The following TMEM117 variants were observed in gnomAD, a reference collection of about 807,000 sequenced individuals.
The protein encoded by TMEM117 is transmembrane protein 117.
In TMEM117, 27 loss-of-function variants were observed where a neutral mutation model predicts 52.4. The observed-to-expected ratio is 0.51, with a 90% CI of 0.38 to 0.71. The LOEUF is 0.71. TMEM117 is among the 30% of genes least tolerant of loss of function. The pLI, the probability that TMEM117 is intolerant of heterozygous loss-of-function variation, is 0.00. For missense variants in TMEM117, 556 were observed against 630.5 expected (o/e 0.88, Z 1.26); for synonymous variants, 215 against 206.3 (o/e 1.04, Z -0.36).
upstream of TMEM117, among the ~76,000 whole-genome samples, chr12:43,832,456 A>G (rs1483381143): frequency 1.3e-5 from 2 of 152,188 alleles, no homozygotes; most frequent in East Asian, 3.8e-4. Flanking sequence ...TCTCTCTGTG[A>G]ACAGATTTCA....
chr12:44,317,120 T>C (rs1951065824), intron 6 of TMEM117, among the ~76,000 whole-genome samples: 1 of 150,758 alleles, frequency 6.6e-6, no homozygotes, highest in Non-Finnish European at 1.5e-5. Flanking sequence ...CAGGGACCAT[T>C]GCTGGAGATC....
intron 3 of TMEM117, among the ~76,000 whole-genome samples, chr12:44,062,122 AAAG>A (rs1565812294): frequency 2.0e-5 from 3 of 152,220 alleles, no homozygotes; most frequent in African/African-American, 7.2e-5. Context: ...CCTAAGATTT[AAAG>A]AAGGCAAATG....
Position 44,166,125 on chromosome 12 carries a change from G to C in TMEM117, c.510+22501G>C, listed in dbSNP as rs147430134. On this transcript the variant is annotated intron_variant, in intron 4 of 7. Coordinates refer to ENST00000266534, the MANE Select transcript of TMEM117 (RefSeq NM_032256.3). Reference sequence around the variant, plus strand: ...AAAAGTGTGCTCCTGAATGACCATTGAGTTGAAGAAGAAATTAAGAAGGAA... The same window carrying C: ...AAAAGTGTGCTCCTGAATGACCATTCAGTTGAAGAAGAAATTAAGAAGGAA... Among the ~76,000 whole-genome samples, 26 of 152,254 alleles carry C rather than the reference G, an allele frequency of 1.7e-4. No individual in the cohort carries two copies. In the East Asian group the frequency reaches 4.6e-3, roughly 27 times the overall value.
intron 5 of TMEM117, among the ~76,000 whole-genome samples, chr12:44,255,857 G>C (rs1162502090): frequency 2.0e-5 from 3 of 151,884 alleles, no homozygotes; most frequent in African/African-American, 7.3e-5. Flanking sequence ...TTTTAACATG[G>C]AAAATATGTT....
At chr12:44,306,072 T>C (rs1950899564) in intron 6 of TMEM117, among the ~76,000 whole-genome samples, 1 of 152,012 alleles carries the variant, frequency 6.6e-6, no homozygotes, top group African/African-American at 2.4e-5. Flanking sequence ...GAGCTAAACA[T>C]TGAGTACAGG....
rs10880610 is a variant in TMEM117 at position 43,985,379 on chromosome 12, A to G, written c.410+41037A>G. On this transcript the variant is annotated intron_variant, in intron 3 of 7. Transcript: ENST00000266534. ...TAATATTTGAACCAAAAAAGGTGAT[A>G]TACTTTTAAAAAAATTTGGCCTATT... Among the ~76,000 whole-genome samples the G allele has an allele frequency of 0.018, 2,695 of 151,786 alleles. 148 individuals carry two copies. The East Asian group carries it at 0.19, about 11-fold the overall frequency.
chr12:43,806,160 T>A, the TMEM117 span: 8 of 1,534,426 alleles, frequency 5.2e-6, no homozygotes, highest in South Asian at 9.5e-5. Context: ...CCTGCAGCCC[T>A]CCCGGCTCTC....
At chr12:44,208,725 G>GTTTTTTT (rs5797892) in intron 4 of TMEM117, among the ~76,000 whole-genome samples, 19 of 68,840 alleles carry the variant, frequency 2.8e-4, no homozygotes, top group African/African-American at 3.6e-4. Context: ...CAGAAAGAAT[G>GTTTTTTT]TTTTTTTTTT....
At chr12:44,130,499 A>G (rs1164178908) in intron 3 of TMEM117, among the ~76,000 whole-genome samples, 3 of 152,086 alleles carry the variant, frequency 2.0e-5, no homozygotes, top group Non-Finnish European at 4.4e-5. Flanking sequence ...AGTTTTATAT[A>G]TTTGTAATTA....
At chr12:43,922,243 G>A (rs1056686443) in intron 2 of TMEM117, among the ~76,000 whole-genome samples, 2 of 151,910 alleles carry the variant, frequency 1.3e-5, no homozygotes, top group African/African-American at 2.4e-5. Context: ...GCGTGCAGTG[G>A]GTTCTCTAAA....
At chr12:44,018,121 G>T (rs904858242) in intron 3 of TMEM117, among the ~76,000 whole-genome samples, 25 of 152,166 alleles carry the variant, frequency 1.6e-4, no homozygotes, top group African/African-American at 5.8e-4. Flanking sequence ...TTGCAGCTGT[G>T]CCCAGACACA....
chr12:43,906,470 A>AAT (rs1305470678), intron 2 of TMEM117, among the ~76,000 whole-genome samples: 1 of 151,680 alleles, frequency 6.6e-6, no homozygotes, highest in Non-Finnish European at 1.5e-5. Flanking sequence ...CTCAAAAAAA[A>AAT]AAAAAGAAAG....
At chr12:44,394,256 C>G (rs1361424853), downstream of TMEM117, among the ~76,000 whole-genome samples, 2 of 152,130 alleles carry the variant, frequency 1.3e-5, no homozygotes, top group African/African-American at 2.4e-5. Flanking sequence ...CACAGGGTTT[C>G]GAAGAGGACC....
chr12:44,022,344 T>C (rs762832798), intron 3 of TMEM117, among the ~76,000 whole-genome samples: 1 of 152,182 alleles, frequency 6.6e-6, no homozygotes, highest in Non-Finnish European at 1.5e-5. Flanking sequence ...TAAAACAGTG[T>C]AATTAAGAGA....
intron 6 of TMEM117, among the ~76,000 whole-genome samples, chr12:44,346,891 A>T (rs1333954179): frequency 6.6e-6 from 1 of 152,136 alleles, no homozygotes; most frequent in African/African-American, 2.4e-5. Context: ...TTAGGTAAGC[A>T]TATTATTGAA....
intron 1 of TMEM117, among the ~76,000 whole-genome samples, chr12:43,837,499 A>ACC (rs1331590721): frequency 6.6e-6 from 1 of 151,984 alleles, no homozygotes; most frequent in Non-Finnish European, 1.5e-5. Context: ...GGCGCGCGCC[A>ACC]CCATGCCTGG....
At chr12:43,919,961 C>CAT (rs1297234777) in intron 2 of TMEM117, among the ~76,000 whole-genome samples, 3 of 151,838 alleles carry the variant, frequency 2.0e-5, no homozygotes, top group Non-Finnish European at 2.9e-5. Context: ...TCCAGCATCA[C>CAT]TCATGATATT....
intron 5 of TMEM117, among the ~76,000 whole-genome samples, chr12:44,266,533 A>G (rs182956450): frequency 5.3e-5 from 8 of 152,192 alleles, no homozygotes; most frequent in South Asian, 4.1e-4. Flanking sequence ...CACATATCTG[A>G]TAAGTGATTT....
chr12:43,900,490 C>A lies in TMEM117; in HGVS notation c.278-43720C>A, dbSNP rs183010845. Among the ~76,000 whole-genome samples, 294 of 151,970 alleles carry A rather than the reference C, an allele frequency of 1.9e-3. 1 individual carries two copies. Among genetic ancestry groups the A allele is most frequent in the African/African-American group, 6.8e-3 (282 of 41,448 alleles). On this transcript the variant is annotated intron_variant, in intron 2 of 7. Transcript: ENST00000266534. ...ATCCCAGCATTTTGGGAGGCCGAGG[C>A]GGGTGGATCACAAGGTCAGGAGTTC... is the stretch of plus-strand genomic sequence containing the variant.
Sources: gnomAD v4.1 joint callset for allele counts (sites outside exome capture counted in the v4.1 genomes callset) on GRCh38, gnomAD v4.1.1 for gene constraint, MANE v1.5 for transcripts, NCBI Gene and HGNC (gene_info 2026-07-23, HGNC 2026-07-21) for gene names.